The following FRMD4A variants were observed in gnomAD, a reference collection of about 807,000 sequenced individuals.
The protein encoded by FRMD4A is FERM domain containing 4A.
A neutral mutation model predicts 129.1 loss-of-function variants in FRMD4A; 29 were observed. The observed-to-expected ratio is 0.22, with a 90% CI of 0.17 to 0.31. The LOEUF (loss-of-function observed/expected upper bound fraction) is 0.31. Ranked by LOEUF, FRMD4A falls within the 10% of genes least tolerant of loss-of-function variation. FRMD4A has a pLI of 1.00. For missense variants in FRMD4A, 1,272 were observed against 1,375.8 expected (o/e 0.92, Z 1.19); for synonymous variants, 634 against 571.6 (o/e 1.11, Z -1.56).
intron 3 of FRMD4A, among the ~76,000 whole-genome samples, chr10:13,848,687 C>G (rs1409124374): frequency 3.3e-5 from 5 of 151,750 alleles, no homozygotes; most frequent in Admixed American, 3.3e-4. Flanking sequence ...CTGCTGTATC[C>G]TGATGCTCAG....
chr10:13,866,895 C>G (rs2094374632), intron 2 of FRMD4A, among the ~76,000 whole-genome samples: 1 of 152,176 alleles, frequency 6.6e-6, no homozygotes, highest in Non-Finnish European at 1.5e-5. Context: ...TTGCAGTGAG[C>G]TGAGATCCAG....
intron 2 of FRMD4A, among the ~76,000 whole-genome samples, chr10:14,143,461 G>T (rs1443568701): frequency 6.6e-6 from 1 of 152,228 alleles, no homozygotes; most frequent in Non-Finnish European, 1.5e-5. Flanking sequence ...TTGAATGGTG[G>T]TTGGGGAGAT....
intron 12 of FRMD4A, among the ~76,000 whole-genome samples, chr10:13,724,964 C>T (rs1258553705): frequency 2.0e-5 from 3 of 152,182 alleles, no homozygotes; most frequent in African/African-American, 7.2e-5. Flanking sequence ...GCACTGGCTC[C>T]ACGGGAGTCA....
At chr10:13,937,341 G>A (rs1016108177) in intron 2 of FRMD4A, among the ~76,000 whole-genome samples, 7 of 152,132 alleles carry the variant, frequency 4.6e-5, no homozygotes, top group Admixed American at 4.6e-4. Flanking sequence ...AAGCAGAAAG[G>A]GTCAGCAGAT....
At chr10:13,833,309 G>C (rs868027573) in intron 3 of FRMD4A, among the ~76,000 whole-genome samples, 1 of 152,190 alleles carries the variant, frequency 6.6e-6, no homozygotes. Context: ...AGCTTGTGCA[G>C]GGGAACTCCC....
At chr10:14,226,652 G>C (rs996388434) in intron 2 of FRMD4A, among the ~76,000 whole-genome samples, 1 of 152,066 alleles carries the variant, frequency 6.6e-6, no homozygotes, top group African/African-American at 2.4e-5. Context: ...CGTGTTCTAA[G>C]GGCATGGCGG....
intron 2 of FRMD4A, among the ~76,000 whole-genome samples, chr10:14,175,788 G>C (rs539039542): frequency 4.0e-4 from 61 of 152,258 alleles, no homozygotes; most frequent in African/African-American, 1.3e-3. Context: ...GCCTCTCAAA[G>C]TGTTGGGATT....
intron 4 of FRMD4A, among the ~76,000 whole-genome samples, chr10:13,807,278 C>T (rs1160284746): frequency 6.6e-6 from 1 of 152,100 alleles, no homozygotes; most frequent in African/African-American, 2.4e-5. Flanking sequence ...AAAAGGAGGC[C>T]AGATGCAAAC....
chr10:14,068,808 G>A (rs1312745729), intron 2 of FRMD4A, among the ~76,000 whole-genome samples: 1 of 151,864 alleles, frequency 6.6e-6, no homozygotes, highest in African/African-American at 2.4e-5. Context: ...TTTCCACTTA[G>A]GCTAAGTGAG....
intron 15 of FRMD4A, among the ~76,000 whole-genome samples, chr10:13,686,021 A>G (rs2085044267): frequency 6.6e-6 from 1 of 152,208 alleles, no homozygotes; most frequent in Admixed American, 6.5e-5. Context: ...CTGCTCAAAC[A>G]TGTCCAGAAC....
At chr10:13,659,574 C>T (rs922399947) in intron 20 of FRMD4A, 84 bp from the exon 21 acceptor site, 1 of 1,374,972 alleles carries the variant, frequency 7.3e-7, no homozygotes, top group Non-Finnish European at 1.0e-6. Flanking sequence ...ACAATGATCC[C>T]AGCATGTGGG....
chr10:13,779,149 T>G (rs1417961361), intron 6 of FRMD4A, among the ~76,000 whole-genome samples: 1 of 152,152 alleles, frequency 6.6e-6, no homozygotes, highest in Non-Finnish European at 1.5e-5. Context: ...AAACCCCATC[T>G]CTACTAAAAA....
rs2081098416 is a variant in FRMD4A at position 13,646,069 on chromosome 10, CTTTG to C, written c.*965_*968del. ...CCCTCTACGACTCCCACAGGTCTCT[CTTTG>C]TGTCCAGATGGATGGCGACTGTGAG... is the stretch of plus-strand genomic sequence containing the variant. On this transcript the variant is annotated 3_prime_UTR_variant, in exon 25 of 25. Coordinates refer to ENST00000357447, the MANE Select transcript of FRMD4A (RefSeq NM_018027.5). 1 of 152,240 alleles carries C rather than the reference CTTTG, an allele frequency of 6.6e-6. No individual in the cohort carries two copies. The highest frequency in any genetic ancestry group is 2.4e-5 in the African/African-American group (1 of 41,232). The allele number at this position is 152,240 out of a possible 1,614,324, so 9.4% of individuals were successfully genotyped here.
At chr10:13,935,952 C>A (rs2095245963) in intron 2 of FRMD4A, among the ~76,000 whole-genome samples, 1 of 152,230 alleles carries the variant, frequency 6.6e-6, no homozygotes, top group Non-Finnish European at 1.5e-5. Context: ...TCTCCTTTGT[C>A]CCCCTTCAGC....
At chr10:14,267,157 G>A (rs1845007874) in intron 2 of FRMD4A, among the ~76,000 whole-genome samples, 1 of 152,196 alleles carries the variant, frequency 6.6e-6, no homozygotes, top group East Asian at 1.9e-4. Context: ...AAAAAGTGAG[G>A]TTAAGAAAGG....
Position 13,686,170 on chromosome 10 carries a change from T to C in FRMD4A, c.1117+7728A>G, listed in dbSNP as rs943100. On this transcript the variant is annotated intron_variant, in intron 15 of 24. Transcript: ENST00000357447. ...ACCAAAATTAAGGCCCCTGGAATCC[T>C]GTCCATTGTTAGACCTAAAAGGAGA... 8.2e-3 allele frequency among the ~76,000 whole-genome samples: 1,246 copies of C among 152,378 alleles called. 34 individuals are homozygous for C. The East Asian group carries it at 0.096, about 12-fold the overall frequency.
chr10:13,845,179 C>A (rs1360862175), intron 3 of FRMD4A, among the ~76,000 whole-genome samples: 1 of 152,158 alleles, frequency 6.6e-6, no homozygotes, highest in African/African-American at 2.4e-5. Context: ...AGCACAAAAC[C>A]TAGTCCACTT....
chr10:14,036,291 G>A (rs953879459), intron 2 of FRMD4A, among the ~76,000 whole-genome samples: 12 of 152,130 alleles, frequency 7.9e-5, no homozygotes, highest in Middle Eastern at 3.2e-3. Flanking sequence ...GAGTTATTAT[G>A]TTTCGCCCCA....
At chr10:13,974,673 C>A (rs1350876140) in intron 2 of FRMD4A, among the ~76,000 whole-genome samples, 1 of 152,126 alleles carries the variant, frequency 6.6e-6, no homozygotes, top group Non-Finnish European at 1.5e-5. Flanking sequence ...ATTACAGGCA[C>A]CCGCCACCAT....
Sources: allele counts gnomAD v4.1 joint callset (sites outside exome capture counted in the v4.1 genomes callset), GRCh38; gene constraint gnomAD v4.1.1; transcripts MANE v1.5; gene names NCBI Gene and HGNC (gene_info 2026-07-23, HGNC 2026-07-21).